GABBR2: variants seen among roughly 807,000 people sequenced by gnomAD.
GABBR2 encodes G-protein coupled receptor 51.
GABBR2 carries 23 observed loss-of-function variants against 105.6 expected under a neutral mutation model. The ratio of observed to expected loss-of-function variants is 0.22; its 90% CI spans 0.16 to 0.31. The LOEUF is 0.31. GABBR2 is among the 10% of genes least tolerant of loss of function. GABBR2 has a pLI of 1.00. For missense variants in GABBR2, 734 were observed against 1,245.5 expected (o/e 0.59, Z 6.18); for synonymous variants, 478 against 499.7 (o/e 0.96, Z 0.58).
intron 12 of GABBR2, among the ~76,000 whole-genome samples, chr9:98,364,221 C>T (rs968975378): frequency 5.9e-5 from 9 of 152,182 alleles, no homozygotes; most frequent in African/African-American, 9.7e-5. Flanking sequence ...CAGCTTAACT[C>T]TCACCCTCTG....
At chr9:98,553,076 G>A (rs1358305064) in intron 2 of GABBR2, among the ~76,000 whole-genome samples, 1 of 151,728 alleles carries the variant, frequency 6.6e-6, no homozygotes, top group African/African-American at 2.4e-5. Flanking sequence ...AGAGACAGGG[G>A]TCTCGCTATT....
At chr9:98,626,420 G>A (rs897944247) in intron 1 of GABBR2, among the ~76,000 whole-genome samples, 1 of 152,210 alleles carries the variant, frequency 6.6e-6, no homozygotes, top group Non-Finnish European at 1.5e-5. Flanking sequence ...TAAGATTTCA[G>A]AAAAGCTGTT....
chr9:98,473,077 C>T (rs763293065), intron 6 of GABBR2, 69 bp downstream of exon 6: 17 of 1,186,170 alleles, frequency 1.4e-5, no homozygotes, highest in Non-Finnish European at 1.7e-5. Flanking sequence ...GCTCTTTTGG[C>T]CAATGTCATC....
At chr9:98,362,595 G>A in intron 13 of GABBR2, 120 bp downstream of exon 13, 2 of 701,242 alleles carry the variant, frequency 2.9e-6, no homozygotes, top group Non-Finnish European at 4.2e-6. Context: ...GGAAGGAAAT[G>A]GAACTGATGA....
intron 18 of GABBR2, among the ~76,000 whole-genome samples, chr9:98,293,171 T>C (rs1045270602): frequency 6.6e-6 from 1 of 152,218 alleles, no homozygotes; most frequent in Non-Finnish European, 1.5e-5. Flanking sequence ...AGGCCTAAAA[T>C]TGCCTGTGGG....
chr9:98,576,533 G>A lies in GABBR2; in HGVS notation c.459+1402C>T, dbSNP rs1039123818. Among the ~76,000 whole-genome samples, 3 of 152,126 alleles carry A rather than the reference G, an allele frequency of 2.0e-5. No individual in the cohort carries two copies. The East Asian group carries it at 5.8e-4, about 29-fold the overall frequency. On this transcript the variant is annotated intron_variant, in intron 2 of 18. Coordinates refer to ENST00000259455, the MANE Select transcript of GABBR2 (RefSeq NM_005458.8). ...TTCCTTACTACAGTCTTATCTTAAGGGCCAGACTGCTTGAGTTAAAATCCT... is the reference window on the plus strand; with the variant it reads ...TTCCTTACTACAGTCTTATCTTAAGAGCCAGACTGCTTGAGTTAAAATCCT...
Position 98,454,145 on chromosome 9 carries a change from C to T in GABBR2, c.1072G>A (p.Ala358Thr), listed in dbSNP as rs753968000. ...GCGATGACCCAGATGCCATCGTAGG[C>T]GTACCCGTGGAACTTGCTGGGCCCC... is the stretch of plus-strand genomic sequence containing the variant. ...GVGPSKFHGY[A>T]YDGIWVIAKT... Residue 358 changes from alanine (A) to threonine (T), a missense_variant, in exon 7 of 19, where the codon GCC (alanine) becomes ACC (threonine). By Grantham distance (58) the Ala-to-Thr change is moderately conservative. Transcript: ENST00000259455. This position sits in a 1 kb window ranked among gnomAD's most constrained non-coding sequence, Gnocchi z 4.6. 4.3e-6 allele frequency: 7 copies of T among 1,614,004 alleles called. No homozygotes were observed. The highest frequency in any genetic ancestry group is 1.3e-5 in the African/African-American group (1 of 74,910).
chr9:98,680,055 T>C (rs1830523136), intron 1 of GABBR2, among the ~76,000 whole-genome samples: 1 of 152,178 alleles, frequency 6.6e-6, no homozygotes, highest in Non-Finnish European at 1.5e-5. Context: ...AATCTATCTT[T>C]TGTTATAGGG....
intron 6 of GABBR2, among the ~76,000 whole-genome samples, chr9:98,461,534 A>C (rs538076764): frequency 6.6e-6 from 1 of 152,212 alleles, no homozygotes; most frequent in African/African-American, 2.4e-5. Flanking sequence ...CATAAAATTA[A>C]ATATATTATT....
chr9:98,644,207 G>T (rs1278562232), intron 1 of GABBR2, among the ~76,000 whole-genome samples: 1 of 152,186 alleles, frequency 6.6e-6, no homozygotes, highest in Non-Finnish European at 1.5e-5. Flanking sequence ...AAACACACTT[G>T]CAGCCCTGAC....
In GABBR2 at chr9:98,306,129, C is replaced by T. The variant is rs370955037; in HGVS notation, c.2221G>A (p.Val741Met). The T allele has an allele frequency of 1.2e-5, 19 of 1,613,182 alleles. No homozygotes were observed. Among genetic ancestry groups the T allele is most frequent in the Middle Eastern group, 1.7e-4 (1 of 6,054 alleles). The change falls in exon 15 of 19, where the codon GTG becomes ATG. Residue 741 changes from valine to methionine, a missense_variant. Coordinates refer to ENST00000259455, the MANE Select transcript of GABBR2 (RefSeq NM_005458.8). This position sits in a 1 kb window ranked among gnomAD's most constrained non-coding sequence, Gnocchi z 5.4. ...CSTITLCLVF[V>M]PKLITLRTNP... Reference sequence around the variant, plus strand: ...GGGGCCAGCGCCTGTACCTTCGGCACGAATACCAGGCAGAGGGTGATGGTG... The same window carrying T: ...GGGGCCAGCGCCTGTACCTTCGGCATGAATACCAGGCAGAGGGTGATGGTG...
At position 98,497,379 on chromosome 9, in the gene GABBR2, T is replaced by C. The variant is rs978399014; in HGVS notation, c.631-865A>G. Among the ~76,000 whole-genome samples, 6 of 152,254 alleles carry C rather than the reference T, an allele frequency of 3.9e-5. No individual in the cohort carries two copies. In the East Asian group the frequency reaches 1.2e-3, roughly 29 times the overall value. On this transcript the variant is annotated intron_variant, in intron 3 of 18. Transcript: ENST00000259455. ...GGGGAGAAATCAGAAATTTAGACTT[T>C]TAAAATATAAAATCCCCTAATTTTT... is the stretch of plus-strand genomic sequence containing the variant.
intron 1 of GABBR2, among the ~76,000 whole-genome samples, chr9:98,626,551 C>T (rs1339737557): frequency 2.0e-5 from 3 of 152,078 alleles, no homozygotes; most frequent in Non-Finnish European, 4.4e-5. Context: ...CTGTGTGATC[C>T]TGGGCAAGTC....
chr9:98,294,180 C>T (rs1051186674), intron 17 of GABBR2, among the ~76,000 whole-genome samples: 4 of 152,062 alleles, frequency 2.6e-5, no homozygotes, highest in Admixed American at 6.5e-5. Flanking sequence ...AAAATCAAGT[C>T]GACTAATGTA....
intron 1 of GABBR2, among the ~76,000 whole-genome samples, chr9:98,655,664 G>A (rs1048559083): frequency 6.6e-6 from 1 of 152,142 alleles, no homozygotes; most frequent in African/African-American, 2.4e-5. Flanking sequence ...CCATAAAAAA[G>A]GATGAGTTCA....
intron 11 of GABBR2, among the ~76,000 whole-genome samples, chr9:98,379,829 C>A (rs1294228592): frequency 6.6e-6 from 1 of 152,076 alleles, no homozygotes; most frequent in Admixed American, 6.5e-5. Context: ...ATAGGGTAAA[C>A]AAAAGCCACT....
At position 98,637,300 on chromosome 9, in the gene GABBR2, T is replaced by A. The variant is rs561346883; in HGVS notation, c.322-59228A>T. On this transcript the variant is annotated intron_variant, in intron 1 of 18. Transcript: ENST00000259455. ...TTGGCTACTTTGGGAACCTTTAACA[T>A]CCCCCTCCCCAAGCCCTTTCTTGTG... Among the ~76,000 whole-genome samples the A allele has an allele frequency of 3.3e-5, 5 of 152,100 alleles. No individual in the cohort carries two copies. The East Asian group carries it at 9.7e-4, about 29-fold the overall frequency.
In GABBR2 at chr9:98,344,614, G is replaced by C. The variant is rs115039790; in HGVS notation, c.1893+18101C>G. On this transcript the variant is annotated intron_variant, in intron 13 of 18. Transcript: ENST00000259455. ...GGCTCTCTCTTGACCATCTGCCTGG[G>C]GACAGCTCTCTCTCCTGTCCCCTCA... Among the ~76,000 whole-genome samples, 425 of 152,098 alleles carry C rather than the reference G, an allele frequency of 2.8e-3. 2 individuals carry two copies. The highest frequency in any genetic ancestry group is 9.6e-3 in the African/African-American group (400 of 41,478).
At chr9:98,585,301 C>T (rs1041588824) in intron 1 of GABBR2, among the ~76,000 whole-genome samples, 9 of 151,842 alleles carry the variant, frequency 5.9e-5, no homozygotes, top group African/African-American at 2.2e-4. Context: ...CCATGGAATA[C>T]TATGCAGCCA....
Sources: gnomAD v4.1 joint callset for allele counts (sites outside exome capture counted in the v4.1 genomes callset) on GRCh38, gnomAD v4.1.1 for gene constraint, Gnocchi (gnomAD v3.1) non-coding constraint, MANE v1.5 for transcripts, NCBI Gene and HGNC (gene_info 2026-07-23, HGNC 2026-07-21) for gene names.